SAMMSON: variants seen among roughly 807,000 people sequenced by gnomAD.
SAMMSON encodes survival associated mitochondrial melanoma specific oncogenic non-coding RNA.
chr3:70,305,956 T>C (rs1702395879), intron 7 of SAMMSON, among the ~76,000 whole-genome samples: 1 of 152,186 alleles, frequency 6.6e-6, no homozygotes, highest in Non-Finnish European at 1.5e-5. Flanking sequence ...GTATTTTGGA[T>C]TATTAGTCTC....
At chr3:70,011,523 CCT>C (rs1170323583) in intron 1 of SAMMSON, among the ~76,000 whole-genome samples, 1 of 151,862 alleles carries the variant, frequency 6.6e-6, no homozygotes, top group Non-Finnish European at 1.5e-5. Context: ...AACTTTGACC[CCT>C]GAGTGCTTTC....
intron 4 of SAMMSON, among the ~76,000 whole-genome samples, chr3:70,131,204 T>C (rs962646698): frequency 6.6e-6 from 1 of 152,198 alleles, no homozygotes; most frequent in East Asian, 1.9e-4. Flanking sequence ...AGCGATATCA[T>C]TGAGGAACTC....
At chr3:70,259,301 A>C (rs550709976) in intron 6 of SAMMSON, among the ~76,000 whole-genome samples, 1 of 152,344 alleles carries the variant, frequency 6.6e-6, no homozygotes, top group African/African-American at 2.4e-5. Context: ...TTATCCATTT[A>C]AAGAAAGTAA....
intron 4 of SAMMSON, among the ~76,000 whole-genome samples, chr3:70,218,301 T>A (rs1701433501): frequency 1.3e-5 from 2 of 152,178 alleles, no homozygotes; most frequent in African/African-American, 4.8e-5. Flanking sequence ...TGGTAGCATG[T>A]GCCTCCATTG....
chr3:70,326,074 TG>T (rs1702579047), intron 7 of SAMMSON, among the ~76,000 whole-genome samples: 1 of 152,192 alleles, frequency 6.6e-6, no homozygotes, highest in Non-Finnish European at 1.5e-5. Context: ...TCGGCATAAC[TG>T]CTGAGTATTT....
chr3:70,011,798 A>G (rs1413410014), intron 1 of SAMMSON, among the ~76,000 whole-genome samples: 2 of 152,084 alleles, frequency 1.3e-5, no homozygotes, highest in Non-Finnish European at 2.9e-5. Flanking sequence ...ATCACTTGCT[A>G]TTATGAAGTA....
chr3:70,183,091 A>G (rs921513181), intron 4 of SAMMSON, among the ~76,000 whole-genome samples: 4 of 152,204 alleles, frequency 2.6e-5, no homozygotes, highest in African/African-American at 9.6e-5. Flanking sequence ...CACTCGCTAC[A>G]TGCCAGCTAC....
chr3:70,353,895 G>A (rs185508277), intron 7 of SAMMSON, among the ~76,000 whole-genome samples: 113 of 152,196 alleles, frequency 7.4e-4, no homozygotes, highest in Non-Finnish European at 1.3e-3. Context: ...ACAATAAAAC[G>A]TAACAATCTT....
In SAMMSON at chr3:70,003,220, A is replaced by G. The variant is rs1033800506; in HGVS notation, n.22+3353A>G. Among the ~76,000 whole-genome samples, 5 of 152,124 alleles carry G rather than the reference A, an allele frequency of 3.3e-5. No individual in the cohort carries two copies. The South Asian group carries it at 6.2e-4, about 19-fold the overall frequency. ...TCTTTTTAAAAATATTTTGCCTTCA[A>G]CCATTATACTTAATGCCTTTTAAAC... On this transcript the variant is annotated intron_variant and non_coding_transcript_variant, in intron 1 of 9. Transcript: ENST00000642114.
intron 3 of SAMMSON, among the ~76,000 whole-genome samples, chr3:70,059,865 T>C (rs1045163108): frequency 6.6e-6 from 1 of 152,162 alleles, no homozygotes; most frequent in Non-Finnish European, 1.5e-5. Flanking sequence ...TACAAATATT[T>C]AGAATCATGT....
intron 7 of SAMMSON, among the ~76,000 whole-genome samples, chr3:70,306,590 T>C (rs917423535): frequency 6.6e-6 from 1 of 152,112 alleles, no homozygotes; most frequent in African/African-American, 2.4e-5. Context: ...CTATTTTTTT[T>C]ATCATTTTTT....
intron 4 of SAMMSON, among the ~76,000 whole-genome samples, chr3:70,143,844 T>C (rs918688630): frequency 3.3e-5 from 5 of 152,162 alleles, no homozygotes; most frequent in African/African-American, 1.2e-4. Flanking sequence ...ATTCCTTTGA[T>C]GTAGCAACTG....
chr3:70,305,119 C>T (rs1309235925), intron 7 of SAMMSON, among the ~76,000 whole-genome samples: 1 of 152,208 alleles, frequency 6.6e-6, no homozygotes, highest in Admixed American at 6.5e-5. Flanking sequence ...TCTATCACAA[C>T]ATCTTGTTTC....
In SAMMSON at chr3:70,126,373, A is replaced by G. The variant is rs1035913758; in HGVS notation, n.507+54808A>G. 2.8e-5 allele frequency: 27 copies of G among 970,104 alleles called. No homozygotes were observed. In the South Asian group the frequency reaches 3.0e-4, roughly 11 times the overall value. The allele number at this position is 970,104 out of a possible 1,614,324, so 60.1% of individuals were successfully genotyped here. On this transcript the variant is annotated intron_variant and non_coding_transcript_variant, in intron 4 of 9. Transcript: ENST00000642114. ...AGTTTCAGCTGATGGAGTCTTGTCA[A>G]TGCCTTTATAGCTGCTTTTTAGGGA...
intron 3 of SAMMSON, among the ~76,000 whole-genome samples, chr3:70,029,888 T>G (rs2067058004): frequency 6.6e-6 from 1 of 152,204 alleles, no homozygotes; most frequent in Admixed American, 6.5e-5. Context: ...GAGTATCGTT[T>G]GCATTAGAAA....
At chr3:70,318,388 G>A (rs187486880) in intron 7 of SAMMSON, among the ~76,000 whole-genome samples, 1 of 151,898 alleles carries the variant, frequency 6.6e-6, no homozygotes. Context: ...TTCTTTTGCA[G>A]TTGCCAATCT....
At chr3:70,237,277 AG>A (rs1343168861) in intron 4 of SAMMSON, among the ~76,000 whole-genome samples, 1 of 152,230 alleles carries the variant, frequency 6.6e-6, no homozygotes, top group Non-Finnish European at 1.5e-5. Context: ...CATATTCTCC[AG>A]TGCGGATACA....
chr3:70,054,377 A>T (rs1275234188), intron 3 of SAMMSON, among the ~76,000 whole-genome samples: 1 of 152,122 alleles, frequency 6.6e-6, no homozygotes, highest in African/African-American at 2.4e-5. Context: ...AGAGCCCAGC[A>T]CATAATTTGG....
At chr3:70,289,652 T>G (rs1178161820) in intron 6 of SAMMSON, among the ~76,000 whole-genome samples, 1 of 151,778 alleles carries the variant, frequency 6.6e-6, no homozygotes, top group Non-Finnish European at 1.5e-5. Context: ...TCCTGCAGAG[T>G]GTTTTCCAAC....
Sources: gnomAD v4.1 joint callset for allele counts (sites outside exome capture counted in the v4.1 genomes callset) on GRCh38, gnomAD v4.1.1 for gene constraint, MANE v1.5 for transcripts, NCBI Gene and HGNC (gene_info 2026-07-23, HGNC 2026-07-21) for gene names.